The following SYN3 variants were observed in gnomAD, a reference collection of about 807,000 sequenced individuals.
The protein encoded by SYN3 is synapsin III.
A neutral mutation model predicts 65.8 loss-of-function variants in SYN3; 35 were observed. The ratio of observed to expected loss-of-function variants is 0.53; its 90% confidence interval spans 0.41 to 0.70. The LOEUF (loss-of-function observed/expected upper bound fraction) is 0.70, where lower values mean the gene tolerates loss of function less well. Ranked by LOEUF, SYN3 falls within the 30% of genes least tolerant of loss-of-function variation. SYN3 has a pLI of 0.00. For missense variants in SYN3, 680 were observed against 749.0 expected (o/e 0.91, Z 1.08); for synonymous variants, 270 against 292.9 (o/e 0.92, Z 0.80).
chr22:32,848,769 G>A (rs1012002060), intron 6 of SYN3, among the ~76,000 whole-genome samples: 23 of 152,156 alleles, frequency 1.5e-4, no homozygotes, highest in Admixed American at 1.2e-3. Flanking sequence ...GCATACAGTC[G>A]CAATAGCCAT....
intron 6 of SYN3, among the ~76,000 whole-genome samples, chr22:32,705,814 G>A (rs2060873776): frequency 6.6e-6 from 1 of 152,142 alleles, no homozygotes; most frequent in Non-Finnish European, 1.5e-5. Context: ...TCACTTTGTG[G>A]CAATTGTGAA....
At chr22:32,965,545 T>C (rs7285794) in intron 3 of SYN3, among the ~76,000 whole-genome samples, 19 of 23,190 alleles carry the variant, frequency 8.2e-4, no homozygotes, top group Non-Finnish European at 1.6e-3. Context: ...GGTGCGTACG[T>C]GTGTGTGTGT....
Position 32,688,823 on chromosome 22 carries a change from C to A in SYN3, c.712-92087G>T, listed in dbSNP as rs1363867642. Among the ~76,000 whole-genome samples, 3 of 152,042 alleles carry A rather than the reference C, an allele frequency of 2.0e-5. No homozygotes were observed. In the East Asian group the frequency reaches 5.8e-4, roughly 30 times the overall value. ...TGTGTTTTTCGGTGCTGGTGGTTGT[C>A]CTGAAGCAGTCCTCAGCGGGTAAAA... is the stretch of plus-strand genomic sequence containing the variant. On this transcript the variant is annotated intron_variant, in intron 6 of 13. Coordinates refer to ENST00000358763, the MANE Select transcript of SYN3 (RefSeq NM_003490.4).
intron 4 of SYN3, among the ~76,000 whole-genome samples, chr22:32,908,890 A>T (rs1569318920): frequency 6.6e-6 from 1 of 152,092 alleles, no homozygotes; most frequent in East Asian, 1.9e-4. Flanking sequence ...ATCCTAAAAA[A>T]CCCTAAACCT....
At chr22:32,854,576 A>G (rs1203070962) in intron 6 of SYN3, among the ~76,000 whole-genome samples, 1 of 152,180 alleles carries the variant, frequency 6.6e-6, no homozygotes, top group African/African-American at 2.4e-5. Flanking sequence ...CACAGAAGTC[A>G]GGGTAGGGGA....
At chr22:32,593,929 G>A (rs1379299194) in intron 7 of SYN3, among the ~76,000 whole-genome samples, 2 of 152,158 alleles carry the variant, frequency 1.3e-5, no homozygotes, top group Non-Finnish European at 2.9e-5. Flanking sequence ...AAAGCCAGGA[G>A]AGAAGCATGC....
chr22:32,825,119 G>A (rs919271304), intron 6 of SYN3, among the ~76,000 whole-genome samples: 1 of 152,126 alleles, frequency 6.6e-6, no homozygotes, highest in Non-Finnish European at 1.5e-5. Context: ...TGGCCTCTAG[G>A]GGTAGGGACA....
intron 6 of SYN3, chr22:32,861,143 T>C (rs1000292896): frequency 6.7e-6 from 1 of 148,502 alleles, no homozygotes; most frequent in East Asian, 2.0e-4. Context: ...CATTCCACTT[T>C]AGGAAACAGA....
intron 1 of SYN3, among the ~76,000 whole-genome samples, chr22:33,027,216 C>CAT (rs148826999): frequency 7.3e-5 from 11 of 151,716 alleles, no homozygotes; most frequent in South Asian, 4.2e-4. Context: ...TATCTATCTA[C>CAT]ATATATATAT....
At chr22:32,903,694 A>C (rs1309954096) in intron 4 of SYN3, among the ~76,000 whole-genome samples, 1 of 152,230 alleles carries the variant, frequency 6.6e-6, no homozygotes, top group Non-Finnish European at 1.5e-5. Context: ...GGTACCCAAG[A>C]AGGGAGGCTT....
At chr22:32,787,019 C>T (rs13057674) in intron 6 of SYN3, among the ~76,000 whole-genome samples, 8 of 151,398 alleles carry the variant, frequency 5.3e-5, no homozygotes, top group Admixed American at 1.3e-4. Flanking sequence ...TTCAGCATCC[C>T]GAATGTGCCA....
intron 6 of SYN3, among the ~76,000 whole-genome samples, chr22:32,763,935 C>G (rs1389065061): frequency 1.2e-4 from 1 of 8,080 alleles, no homozygotes; most frequent in East Asian, 1.6e-3. Flanking sequence ...GTGTAGAAGC[C>G]CCCCCCCCCT....
At chr22:32,541,425 C>T in intron 8 of SYN3, 146 bp downstream of exon 8, 1 of 1,033,186 alleles carries the variant, frequency 9.7e-7, no homozygotes, top group Non-Finnish European at 1.4e-6. Flanking sequence ...ATCAGCCCCT[C>T]AGCCACACTG....
At chr22:32,827,792 CT>C (rs1484439282) in intron 6 of SYN3, among the ~76,000 whole-genome samples, 30 of 152,324 alleles carry the variant, frequency 2.0e-4, no homozygotes, top group African/African-American at 5.5e-4. Flanking sequence ...ATACTTCTAG[CT>C]ATTCCTCAAA....
intron 6 of SYN3, among the ~76,000 whole-genome samples, chr22:32,790,370 AATTT>A (rs1392264157): frequency 1.3e-5 from 2 of 151,694 alleles, no homozygotes; most frequent in African/African-American, 2.4e-5. Context: ...TCATTAATAT[AATTT>A]ATTAGTTATA....
chr22:32,759,574 G>A lies in SYN3; in HGVS notation c.711+105341C>T, dbSNP rs918920952. On this transcript the variant is annotated intron_variant, in intron 6 of 13. Coordinates refer to ENST00000358763, the MANE Select transcript of SYN3 (RefSeq NM_003490.4). ...GTTCTGAGACCCTTGTCTTGACAGAGCTGGTGGTGAGGAGAAATGTCCCCA... is the reference window on the plus strand; with the variant it reads ...GTTCTGAGACCCTTGTCTTGACAGAACTGGTGGTGAGGAGAAATGTCCCCA... Among the ~76,000 whole-genome samples the A allele has an allele frequency of 5.9e-5, 9 of 151,920 alleles. 2 individuals carry two copies. The highest frequency in any genetic ancestry group is 3.9e-4 in the East Asian group (2 of 5,180).
Position 33,008,475 on chromosome 22 carries a change from A to G in SYN3, c.-162-1651T>C, listed in dbSNP as rs188907246. 4.3e-3 allele frequency among the ~76,000 whole-genome samples: 654 copies of G among 152,310 alleles called. 3 individuals are homozygous for G. The highest frequency in any genetic ancestry group is 0.02 in the Middle Eastern group (6 of 294). ...CTTGAACTTCATATAAATGTAATCA[A>G]ATATATTATGCTTTTGTTAATAACT... On this transcript the variant is annotated intron_variant, in intron 1 of 13. Coordinates refer to ENST00000358763, the MANE Select transcript of SYN3 (RefSeq NM_003490.4).
intron 6 of SYN3, among the ~76,000 whole-genome samples, chr22:32,654,329 G>C (rs717169): frequency 0.3 from 46,028 of 152,044 alleles, 9,941 homozygotes; most frequent in East Asian, 0.73. Flanking sequence ...TCTGCCACAT[G>C]TGTCTTCTCA....
intron 12 of SYN3, among the ~76,000 whole-genome samples, chr22:32,520,815 C>G (rs544359940): frequency 1.0e-3 from 152 of 152,276 alleles, no homozygotes; most frequent in African/African-American, 3.4e-3. Context: ...GCACCAGGAG[C>G]CTCAGGTCCT....
Sources: gnomAD v4.1 joint callset for allele counts (sites outside exome capture counted in the v4.1 genomes callset) on GRCh38, gnomAD v4.1.1 for gene constraint, MANE v1.5 for transcripts, NCBI Gene and HGNC (gene_info 2026-07-23, HGNC 2026-07-21) for gene names.